Variants in TRPM5 observed in about 807,000 individuals in gnomAD.
The protein encoded by TRPM5 is MLSN1 and TRP-related.
TRPM5 carries 121 observed loss-of-function variants against 124.9 expected under a neutral mutation model. The observed-to-expected ratio is 0.97, with a 90% CI of 0.84 to 1.13. The LOEUF (loss-of-function observed/expected upper bound fraction) is 1.13. Ranked by LOEUF, TRPM5 falls within the 50% of genes most tolerant of loss-of-function variation. TRPM5 has a pLI of 0.00. For synonymous variants in TRPM5, 781 were observed against 700.5 expected (o/e 1.11, Z -1.81); for missense variants, 1,643 against 1,589.1 (o/e 1.03, Z -0.58).
intron 8 of TRPM5, 100 bp from the exon 14 acceptor site, chr11:2,415,571 C>G: frequency 6.0e-6 from 5 of 832,278 alleles, no homozygotes; most frequent in Non-Finnish European, 9.2e-6. Flanking sequence ...CATGGGGATC[C>G]ATCCCCAGGG....
chr11:2,431,978 A>G, the TRPM5 span, among the ~76,000 whole-genome samples: 1 of 152,214 alleles, frequency 6.6e-6, no homozygotes, highest in Non-Finnish European at 1.5e-5. Context: ...GAGTGAATCA[A>G]TGGGTGAGTG....
chr11:2,432,946 G>A, the TRPM5 span, among the ~76,000 whole-genome samples: 1 of 152,244 alleles, frequency 6.6e-6, no homozygotes, highest in Non-Finnish European at 1.5e-5. Context: ...TCTGCCAGTG[G>A]TGCCTGTGTC....
the TRPM5 span, among the ~76,000 whole-genome samples, chr11:2,435,991 G>A: frequency 6.6e-6 from 1 of 152,198 alleles, no homozygotes; most frequent in Non-Finnish European, 1.5e-5. This position sits in a 1 kb window ranked among gnomAD's most constrained non-coding sequence, Gnocchi z 4.1. Context: ...GGCAGTTCTC[G>A]TGGTTTCTCC....
At chr11:2,410,059 G>T (rs959547702) in intron 18 of TRPM5, among the ~76,000 whole-genome samples, 5 of 152,202 alleles carry the variant, frequency 3.3e-5, no homozygotes, top group African/African-American at 9.6e-5. Context: ...GGGGCCCTGC[G>T]GACGGGCAGT....
At chr11:2,406,522 C>A in intron 21 of TRPM5, 139 bp downstream of exon 26, 1 of 1,203,116 alleles carries the variant, frequency 8.3e-7, no homozygotes, top group African/African-American at 1.5e-5. Context: ...AAAGCTAGGC[C>A]CCTGGGCTCG....
chr11:2,406,397 A>C (rs1319609640), intron 21 of TRPM5, among the ~76,000 whole-genome samples: 4 of 152,010 alleles, frequency 2.6e-5, no homozygotes, highest in African/African-American at 9.7e-5. Flanking sequence ...GAGGGAAGCC[A>C]GGGGTGGGTA....
At chr11:2,438,794 C>T in the TRPM5 span, among the ~76,000 whole-genome samples, 2 of 152,162 alleles carry the variant, frequency 1.3e-5, no homozygotes, top group Non-Finnish European at 2.9e-5. This position sits in a 1 kb window ranked among gnomAD's most constrained non-coding sequence, Gnocchi z 5.9. Flanking sequence ...TATTAAACTA[C>T]CAACGTCATT....
chr11:2,421,234 G>T, intron 2 of TRPM5, 36 bp from the exon 8 acceptor site: 2 of 1,517,926 alleles, frequency 1.3e-6, no homozygotes, highest in South Asian at 1.2e-5. Flanking sequence ...TGTGCCGCAC[G>T]CCCCAGGTCT....
chr11:2,443,946 G>T, the TRPM5 span, among the ~76,000 whole-genome samples: 1 of 152,102 alleles, frequency 6.6e-6, no homozygotes, highest in Admixed American at 6.5e-5. The surrounding 1 kb of genome is among the most constrained non-coding windows in gnomAD (Gnocchi z 5.0). Flanking sequence ...AATCCACGGG[G>T]CGCAGCGGCA....
At chr11:2,407,098 C>T in intron 20 of TRPM5, 21 bp downstream of exon 25, 4 of 1,051,128 alleles carry the variant, frequency 3.8e-6, no homozygotes, top group Middle Eastern at 3.0e-4. Context: ...CCCAGGTGCT[C>T]CCGCTTGTGC....
chr11:2,424,044 T>G (rs377542018), upstream of TRPM5, among the ~76,000 whole-genome samples: 3 of 152,296 alleles, frequency 2.0e-5, no homozygotes, highest in East Asian at 5.8e-4. Flanking sequence ...CACAGGCCGC[T>G]GGGCAGAGGT....
In TRPM5 at chr11:2,409,708, C is replaced by T. The variant is rs1447758181; in HGVS notation, c.2782+1644G>A. Among the ~76,000 whole-genome samples the T allele has an allele frequency of 3.9e-5, 6 of 152,216 alleles. No homozygotes were observed. The East Asian group carries it at 1.2e-3, about 29-fold the overall frequency. ...AACCTGAAGGGCCCAGATACTTGCT[C>T]GGCAGCTGAACGGAGCCCAAGGAAT... On this transcript the variant is annotated intron_variant, in intron 18 of 23. Transcript: ENST00000155858.
intron 19 of TRPM5, 119 bp downstream of exon 24, chr11:2,407,640 G>C: frequency 7.5e-7 from 1 of 1,340,606 alleles, no homozygotes; most frequent in Non-Finnish European, 1.0e-6. Flanking sequence ...TCTGCCCTGA[G>C]GCACCAAGCC....
At chr11:2,404,538 G>A (rs1286993224) in exon 24 of TRPM5, 1 of 180,350 alleles carries the variant, frequency 5.5e-6, no homozygotes, top group Non-Finnish European at 1.1e-5. Flanking sequence ...TGAGTCTCTT[G>A]TCAGGCAACA....
At chr11:2,422,675 T>G (rs1845789407) in intron 1 of TRPM5, among the ~76,000 whole-genome samples, 1 of 149,704 alleles carries the variant, frequency 6.7e-6, no homozygotes, top group South Asian at 2.2e-4. Context: ...GCACTTGACC[T>G]TGCACCTCCA....
intron 4 of TRPM5, among the ~76,000 whole-genome samples, chr11:2,419,755 T>G (rs1475987851): frequency 6.6e-6 from 1 of 152,256 alleles, no homozygotes; most frequent in East Asian, 1.9e-4. Flanking sequence ...ATTTACACAC[T>G]AGCGTTTTCT....
chr11:2,407,949 G>A (rs747178436), intron 18 of TRPM5, 37 bp from the exon 24 acceptor site: 2 of 1,605,058 alleles, frequency 1.2e-6, no homozygotes, highest in Non-Finnish European at 1.7e-6. Context: ...CAGACCGGGG[G>A]CAGCCACAAG....
At position 2,411,473 on chromosome 11, in the gene TRPM5, G is replaced by A. The variant is rs752627990; in HGVS notation, c.2661C>T (p.Tyr887=). ...GCAGCAGCGCCTGGGTGGTGACACCGTAGGCCACGAGCCACACGCTCAGAA... is the reference window on the plus strand; with the variant it reads ...GCAGCAGCGCCTGGGTGGTGACACCATAGGCCACGAGCCACACGCTCAGAA... Residue 887 remains tyrosine, a synonymous_variant, in exon 18 of 24, where the codon TAC becomes TAT. Coordinates refer to ENST00000155858, the Ensembl canonical transcript of TRPM5. 19 of 1,611,562 alleles carry A rather than the reference G, an allele frequency of 1.2e-5. 1 individual carries two copies. Among genetic ancestry groups the A allele is most frequent in the East Asian group, 4.5e-5 (2 of 44,864 alleles).
In TRPM5 at chr11:2,420,219, C is replaced by T. The variant is rs767879243; in HGVS notation, c.649+3G>A. 2.5e-6 allele frequency: 4 copies of T among 1,590,420 alleles called. No individual in the cohort carries two copies. Among genetic ancestry groups the T allele is most frequent in the South Asian group, 2.2e-5 (2 of 89,516 alleles). ...TTCCCTGGGTGGCTGGGGCGGGTCT[C>T]ACCCCCGTAGCCCGCCCTCTGCTCC... On this transcript the variant is annotated splice_donor_region_variant and intron_variant, in intron 4 of 23. Coordinates refer to ENST00000155858, the Ensembl canonical transcript of TRPM5.
Sources: allele counts gnomAD v4.1 joint callset (sites outside exome capture counted in the v4.1 genomes callset), GRCh38; gene constraint gnomAD v4.1.1; non-coding constraint Gnocchi (gnomAD v3.1); transcripts MANE v1.5; gene names NCBI Gene and HGNC (gene_info 2026-07-23, HGNC 2026-07-21).